CTNNA3: variants seen among roughly 807,000 people sequenced by gnomAD.
CTNNA3 encodes catenin alpha 3.
CTNNA3 carries 76 observed loss-of-function variants against 95.7 expected under a neutral mutation model. The ratio of observed to expected loss-of-function variants is 0.79; its 90% CI spans 0.66 to 0.96. The LOEUF (loss-of-function observed/expected upper bound fraction) is 0.96, where lower values mean the gene tolerates loss of function less well. CTNNA3 is among the 40% of genes least tolerant of loss of function. The probability of loss-of-function intolerance (pLI) is 0.00; values close to 1 mark genes in which losing one functional copy is unlikely to be tolerated. For synonymous variants in CTNNA3, 431 were observed against 374.4 expected, an observed-to-expected ratio of 1.15 and a Z score of -1.74; for missense variants, 1,191 against 1,089.8, an observed-to-expected ratio of 1.09 and a Z score of -1.31.
chr10:66,230,786 T>C (rs1234835303), intron 13 of CTNNA3, among the ~76,000 whole-genome samples: 1 of 152,066 alleles, frequency 6.6e-6, no homozygotes, highest in Non-Finnish European at 1.5e-5. Context: ...GTGTGTCAGG[T>C]CACTATGTCC....
At chr10:66,893,400 A>G (rs1245986247) in intron 7 of CTNNA3, among the ~76,000 whole-genome samples, 2 of 152,050 alleles carry the variant, frequency 1.3e-5, no homozygotes, top group African/African-American at 4.8e-5. Flanking sequence ...TTCTAGAAGG[A>G]TCTAAATAAT....
chr10:66,528,763 C>T (rs1033108798), intron 10 of CTNNA3, among the ~76,000 whole-genome samples: 2 of 152,102 alleles, frequency 1.3e-5, no homozygotes, highest in East Asian at 3.9e-4. Context: ...TATGTGCTCT[C>T]CTTTCTGAAA....
At chr10:67,152,924 T>C (rs1861149409) in intron 7 of CTNNA3, among the ~76,000 whole-genome samples, 1 of 152,162 alleles carries the variant, frequency 6.6e-6, no homozygotes, top group African/African-American at 2.4e-5. Context: ...ACTGTGCTGA[T>C]GCTTTTATAT....
intron 5 of CTNNA3, among the ~76,000 whole-genome samples, chr10:67,469,497 G>C (rs905090093): frequency 1.3e-4 from 19 of 148,998 alleles, no homozygotes; most frequent in Non-Finnish European, 4.4e-5. Flanking sequence ...CTCAGAAAAC[G>C]AACACAGGAA....
At chr10:67,159,024 C>T (rs1861425094) in intron 7 of CTNNA3, among the ~76,000 whole-genome samples, 1 of 152,058 alleles carries the variant, frequency 6.6e-6, no homozygotes, top group Non-Finnish European at 1.5e-5. Context: ...CAGAGCCACG[C>T]CTGAAACCAG....
intron 13 of CTNNA3, among the ~76,000 whole-genome samples, chr10:66,219,655 C>T (rs188043991): frequency 2.0e-5 from 3 of 152,046 alleles, no homozygotes; most frequent in Non-Finnish European, 1.5e-5. Flanking sequence ...GCACCTCTAG[C>T]CAACACCTCG....
At chr10:66,898,614 A>G (rs1845597762) in intron 7 of CTNNA3, among the ~76,000 whole-genome samples, 1 of 152,186 alleles carries the variant, frequency 6.6e-6, no homozygotes, top group Non-Finnish European at 1.5e-5. Flanking sequence ...TCAACAAATA[A>G]TGTTGAGGAA....
At chr10:65,977,354 T>A (rs1288838079) in intron 16 of CTNNA3, among the ~76,000 whole-genome samples, 3 of 152,106 alleles carry the variant, frequency 2.0e-5, no homozygotes, top group Non-Finnish European at 4.4e-5. Context: ...TGAGGAAAAA[T>A]GTAAAAAAAA....
intron 5 of CTNNA3, among the ~76,000 whole-genome samples, chr10:67,396,808 C>CT (rs1844723917): frequency 6.6e-6 from 1 of 150,670 alleles, no homozygotes; most frequent in South Asian, 2.1e-4. Context: ...GGCAGTTACC[C>CT]CATGCTGCTG....
intron 9 of CTNNA3, among the ~76,000 whole-genome samples, chr10:66,745,761 T>C (rs1439422628): frequency 6.6e-6 from 1 of 150,746 alleles, no homozygotes; most frequent in Non-Finnish European, 1.5e-5. Context: ...CGCTATTTTT[T>C]TTTTTTTTTT....
At chr10:66,372,834 A>G (rs575486944) in intron 12 of CTNNA3, among the ~76,000 whole-genome samples, 1 of 152,136 alleles carries the variant, frequency 6.6e-6, no homozygotes, top group Non-Finnish European at 1.5e-5. Flanking sequence ...CAAGAACAGC[A>G]TAGGGGAAAC....
chr10:66,430,931 C>T (rs1285053493), intron 11 of CTNNA3, among the ~76,000 whole-genome samples: 4 of 152,196 alleles, frequency 2.6e-5, no homozygotes, highest in African/African-American at 2.4e-5. Flanking sequence ...AGAGCTTCTG[C>T]ACAGCAAAAG....
At chr10:67,620,641 G>A (rs144936900) in intron 2 of CTNNA3, among the ~76,000 whole-genome samples, 2 of 151,984 alleles carry the variant, frequency 1.3e-5, no homozygotes, top group East Asian at 3.9e-4. Context: ...TCCCCTACAA[G>A]TACAAAAAGG....
chr10:67,562,921 C>G (rs1335757646), intron 3 of CTNNA3, among the ~76,000 whole-genome samples: 1 of 152,048 alleles, frequency 6.6e-6, no homozygotes, highest in African/African-American at 2.4e-5. Context: ...ACCTAGGAAT[C>G]CAACTTACAA....
chr10:66,500,450 T>C (rs1214748681), intron 11 of CTNNA3, among the ~76,000 whole-genome samples: 1 of 152,190 alleles, frequency 6.6e-6, no homozygotes, highest in African/African-American at 2.4e-5. Context: ...AATTCAGTGG[T>C]TGAAAACACC....
At chr10:67,115,254 T>C (rs1252827961) in intron 7 of CTNNA3, among the ~76,000 whole-genome samples, 1 of 150,934 alleles carries the variant, frequency 6.6e-6, no homozygotes, top group Non-Finnish European at 1.5e-5. Flanking sequence ...AAAAAGAACA[T>C]GAGGGAAATA....
chr10:66,467,507 C>T (rs535095366), intron 11 of CTNNA3, among the ~76,000 whole-genome samples: 2 of 152,124 alleles, frequency 1.3e-5, no homozygotes, highest in East Asian at 3.9e-4. Flanking sequence ...GTCCCCTTTT[C>T]CTTGCCAGTG....
intron 7 of CTNNA3, among the ~76,000 whole-genome samples, chr10:67,101,622 C>T (rs1404389614): frequency 6.6e-6 from 1 of 151,598 alleles, no homozygotes; most frequent in East Asian, 1.9e-4. Context: ...CAGATTAATA[C>T]AAATTACATT....
At chr10:66,931,074 A>G (rs1462512842) in intron 7 of CTNNA3, among the ~76,000 whole-genome samples, 9 of 152,102 alleles carry the variant, frequency 5.9e-5, no homozygotes, top group Admixed American at 4.6e-4. Context: ...ACTACATATC[A>G]TAAATCTATT....
Sources: gnomAD v4.1 joint callset for allele counts (sites outside exome capture counted in the v4.1 genomes callset) on GRCh38, gnomAD v4.1.1 for gene constraint, MANE v1.5 for transcripts, NCBI Gene and HGNC (gene_info 2026-07-23, HGNC 2026-07-21) for gene names.